PAX7: variants seen among roughly 807,000 people sequenced by gnomAD.
The protein encoded by PAX7 is paired box protein Pax-7.
Under a neutral mutation model 50.7 loss-of-function variants are expected in PAX7, and 18 were observed. That is an observed-to-expected ratio of 0.36 (90% CI 0.25 to 0.53). The LOEUF (loss-of-function observed/expected upper bound fraction) is 0.53. Among genes scored for constraint, PAX7 ranks in the 20% least tolerant of loss-of-function variants. The pLI, the probability that PAX7 is intolerant of heterozygous loss-of-function variation, is 0.93. For synonymous variants in PAX7, 310 were observed against 290.4 expected, an observed-to-expected ratio of 1.07 and a Z score of -0.69; for missense variants, 644 against 702.9, an observed-to-expected ratio of 0.92 and a Z score of 0.95.
At chr1:18,730,928 C>T (rs742076) in intron 7 of PAX7, among the ~76,000 whole-genome samples, 3,055 of 94,562 alleles carry the variant, frequency 0.032, 64 homozygotes, top group African/African-American at 0.066. Flanking sequence ...GGGGCCGTGG[C>T]GGGTGGGGGG....
In PAX7 at chr1:18,636,364, C is replaced by G; in HGVS notation, c.579C>G (p.Gly193=). 6.2e-7 allele frequency: 1 copy of G among 1,614,106 alleles called. No individual in the cohort carries two copies. The highest frequency in any genetic ancestry group is 8.5e-7 in the Non-Finnish European group (1 of 1,179,942). The change falls in exon 4 of 9, where the codon GGC becomes GGG. Residue 193 remains glycine (G), a synonymous_variant. Transcript: ENST00000420770. This position sits in a 1 kb window ranked among gnomAD's most constrained non-coding sequence, Gnocchi z 5.1. The part of the protein sequence containing the change: ...KAKHSIDGIL[G]DKGNRLDEGS... ...AACACAGCATCGACGGCATCCTGGG[C>G]GACAAAGGTAGGGAACTTCCCTGGG...
In PAX7 at chr1:18,648,876, A is replaced by G. The variant is rs1169872689; in HGVS notation, c.586+12505A>G. On this transcript the variant is annotated intron_variant, in intron 4 of 8. Transcript: ENST00000420770. ...GGTCAAGGCTGTGGGAAAGGAGCAG[A>G]GAGGTGCAGAGGGGCTGGAGAGCAG... Among the ~76,000 whole-genome samples, 4 of 152,130 alleles carry G rather than the reference A, an allele frequency of 2.6e-5. No individual in the cohort carries two copies. The East Asian group carries it at 7.7e-4, about 29-fold the overall frequency.
chr1:18,683,433 G>C (rs1411520304), intron 4 of PAX7, among the ~76,000 whole-genome samples: 2 of 152,208 alleles, frequency 1.3e-5, no homozygotes, highest in Non-Finnish European at 1.5e-5. Context: ...ATTCATTCAT[G>C]CAACAAATAT....
chr1:18,697,475 T>C (rs765561485), intron 5 of PAX7, among the ~76,000 whole-genome samples: 5 of 152,170 alleles, frequency 3.3e-5, no homozygotes, highest in Non-Finnish European at 7.3e-5. Context: ...GCTAGCTCAT[T>C]TGAGGTCCAG....
chr1:18,701,814 C>T (rs1384251871), intron 6 of PAX7, among the ~76,000 whole-genome samples: 1 of 152,132 alleles, frequency 6.6e-6, no homozygotes, highest in African/African-American at 2.4e-5. Flanking sequence ...ATAAGATTCC[C>T]TTCTAGCGCT....
In PAX7 at chr1:18,635,257, G is replaced by A; in HGVS notation, c.451+17G>A. 6.2e-7 allele frequency: 1 copy of A among 1,612,738 alleles called. No homozygotes were observed. Among genetic ancestry groups the A allele is most frequent in the Non-Finnish European group, 8.5e-7 (1 of 1,179,322 alleles). On this transcript the variant is annotated intron_variant, in intron 3 of 8. Coordinates refer to ENST00000420770, the MANE Select transcript of PAX7 (RefSeq NM_001135254.2). ...TGCCCTCAGGTGAGAAGGCAGCTGA[G>A]CCGGCAGAGCTGGCCCAGAGTGTGG...
At chr1:18,713,420 C>T (rs2089379622) in intron 7 of PAX7, among the ~76,000 whole-genome samples, 1 of 152,214 alleles carries the variant, frequency 6.6e-6, no homozygotes, top group African/African-American at 2.4e-5. Context: ...GGGCAACCCG[C>T]AGGCATACAG....
At position 18,703,001 on chromosome 1, in the gene PAX7, G is replaced by A. The variant is rs564455476; in HGVS notation, c.953-93G>A. On this transcript the variant is annotated intron_variant, in intron 6 of 8. Transcript: ENST00000420770. ...CTTCCCTCCAAGGAATGGAGACCGG[G>A]AGGAGGAGTCTCTTGGCTTGCCTTC... is the stretch of plus-strand genomic sequence containing the variant. 15 of 1,146,168 alleles carry A rather than the reference G, an allele frequency of 1.3e-5. No individual in the cohort carries two copies. In the East Asian group the frequency reaches 2.9e-4, roughly 22 times the overall value. The allele number at this position is 1,146,168 out of a possible 1,614,324, so 71.0% of individuals were successfully genotyped here.
intron 4 of PAX7, among the ~76,000 whole-genome samples, chr1:18,669,066 G>A (rs537476307): frequency 6.6e-6 from 1 of 152,364 alleles, no homozygotes; most frequent in South Asian, 2.1e-4. Flanking sequence ...AAGCACCTGT[G>A]TTGGTTTTCC....
intron 8 of PAX7, among the ~76,000 whole-genome samples, chr1:18,742,543 T>G (rs1486298077): frequency 6.6e-6 from 1 of 151,546 alleles, no homozygotes; most frequent in African/African-American, 2.4e-5. Flanking sequence ...GGCTACAGAG[T>G]CCCCCCAAGG....
chr1:18,678,066 A>G (rs1301300721), intron 4 of PAX7, among the ~76,000 whole-genome samples: 1 of 136,288 alleles, frequency 7.3e-6, no homozygotes, highest in Non-Finnish European at 1.5e-5. Flanking sequence ...TGGGTGACAG[A>G]GCGAGACTCC....
intron 4 of PAX7, among the ~76,000 whole-genome samples, chr1:18,678,492 T>TAA (rs1175250048): frequency 6.6e-6 from 1 of 152,024 alleles, no homozygotes; most frequent in Non-Finnish European, 1.5e-5. Flanking sequence ...TAAGAAAAAA[T>TAA]AGAGTTTCCA....
chr1:18,663,664 G>A (rs1403640661), intron 4 of PAX7, among the ~76,000 whole-genome samples: 1 of 152,212 alleles, frequency 6.6e-6, no homozygotes, highest in African/African-American at 2.4e-5. Context: ...TTACAGGCGT[G>A]AGCCACCACA....
At position 18,692,403 on chromosome 1, in the gene PAX7, T is replaced by G. The variant is rs377712800; in HGVS notation, c.786+450T>G. Among the ~76,000 whole-genome samples the G allele has an allele frequency of 2.6e-3, 389 of 152,146 alleles. 6 individuals carry two copies. In the South Asian group the frequency reaches 0.035, roughly 14 times the overall value. ...CTAAAAACACAAAAATTAGCTGGGC[T>G]TGGTGACGGGCACCCGTAATCCCAG... is the stretch of plus-strand genomic sequence containing the variant. On this transcript the variant is annotated intron_variant, in intron 5 of 8. Transcript: ENST00000420770.
chr1:18,717,707 A>C (rs1429689894), intron 7 of PAX7, among the ~76,000 whole-genome samples: 1 of 152,200 alleles, frequency 6.6e-6, no homozygotes, highest in Non-Finnish European at 1.5e-5. Context: ...GGCACGAAGT[A>C]GGTGCCCAAT....
chr1:18,743,040 TG>T (rs756188734), intron 8 of PAX7, among the ~76,000 whole-genome samples: 4 of 152,194 alleles, frequency 2.6e-5, no homozygotes, highest in Non-Finnish European at 5.9e-5. Flanking sequence ...CATCCCCTCC[TG>T]CCCCCATCAA....
intron 8 of PAX7, among the ~76,000 whole-genome samples, chr1:18,738,311 G>A (rs1930914501): frequency 6.6e-6 from 1 of 152,172 alleles, no homozygotes; most frequent in South Asian, 2.1e-4. Context: ...AAATATTTTA[G>A]AGTGACCCCA....
intron 7 of PAX7, 112 bp downstream of exon 7, chr1:18,703,408 T>A: frequency 1.1e-6 from 1 of 948,588 alleles, no homozygotes; most frequent in East Asian, 2.5e-5. Context: ...CTGACTGCGG[T>A]TGGGGTTTTT....
chr1:18,649,598 C>T (rs2088400362), intron 4 of PAX7, among the ~76,000 whole-genome samples: 1 of 151,982 alleles, frequency 6.6e-6, no homozygotes, highest in Non-Finnish European at 1.5e-5. Flanking sequence ...GCCATTGCCA[C>T]ACCCACCCCA....
Sources: gnomAD v4.1 joint callset for allele counts (sites outside exome capture counted in the v4.1 genomes callset) on GRCh38, gnomAD v4.1.1 for gene constraint, Gnocchi (gnomAD v3.1) non-coding constraint, MANE v1.5 for transcripts, NCBI Gene and HGNC (gene_info 2026-07-23, HGNC 2026-07-21) for gene names.